The following GRID2 variants were observed in gnomAD, a reference collection of about 807,000 sequenced individuals.
GRID2 encodes glutamate ionotropic receptor delta type subunit 2, also known as glutamate receptor ionotropic, delta-2.
GRID2 carries 33 observed loss-of-function variants against 114.8 expected under a neutral mutation model. That is an observed-to-expected ratio of 0.29 (90% CI 0.22 to 0.38). The LOEUF (loss-of-function observed/expected upper bound fraction) is 0.38, where lower values mean the gene tolerates loss of function less well. Ranked by LOEUF, GRID2 falls within the 10% of genes least tolerant of loss-of-function variation. The pLI, the probability that GRID2 is intolerant of heterozygous loss-of-function variation, is 1.00. For missense variants in GRID2, 1,184 were observed against 1,257.7 expected, an observed-to-expected ratio of 0.94 and a Z score of 0.89; for synonymous variants, 505 against 449.9, an observed-to-expected ratio of 1.12 and a Z score of -1.55.
At chr4:92,723,134 A>C (rs1735893233) in intron 2 of GRID2, among the ~76,000 whole-genome samples, 1 of 152,126 alleles carries the variant, frequency 6.6e-6, no homozygotes, top group South Asian at 2.1e-4. Context: ...TCATTTATTA[A>C]AACATGAAAC....
intron 8 of GRID2, among the ~76,000 whole-genome samples, chr4:93,392,590 A>C (rs1463832487): frequency 6.6e-6 from 1 of 152,120 alleles, no homozygotes; most frequent in Non-Finnish European, 1.5e-5. Flanking sequence ...AAAGAATGTT[A>C]AAATGAGAAA....
chr4:92,351,096 T>G (rs1333115971), intron 1 of GRID2, among the ~76,000 whole-genome samples: 1 of 151,914 alleles, frequency 6.6e-6, no homozygotes, highest in Non-Finnish European at 1.5e-5. Context: ...TTTGGGTTGT[T>G]TCCACTTTTT....
intron 1 of GRID2, among the ~76,000 whole-genome samples, chr4:92,471,207 T>C (rs1400009308): frequency 1.3e-5 from 2 of 152,080 alleles, no homozygotes; most frequent in Admixed American, 6.5e-5. Flanking sequence ...TCTGAGGTAT[T>C]GGTATAAGGT....
intron 2 of GRID2, among the ~76,000 whole-genome samples, chr4:92,978,379 G>T (rs1368207449): frequency 4.6e-5 from 7 of 152,102 alleles, no homozygotes; most frequent in African/African-American, 1.4e-4. Flanking sequence ...TCTATAAGAG[G>T]AAGTTCATTA....
intron 4 of GRID2, among the ~76,000 whole-genome samples, chr4:93,119,921 G>T (rs1733624549): frequency 6.6e-6 from 1 of 152,058 alleles, no homozygotes; most frequent in African/African-American, 2.4e-5. Context: ...TGTAAATTTG[G>T]TCAAGTTCCT....
intron 12 of GRID2, among the ~76,000 whole-genome samples, chr4:93,499,895 G>A (rs1201611229): frequency 1.3e-5 from 2 of 151,838 alleles, no homozygotes; most frequent in Non-Finnish European, 2.9e-5. Context: ...CTGAAGCTAG[G>A]GTAGTAAACC....
At chr4:93,295,896 T>G (rs2149158036) in intron 8 of GRID2, among the ~76,000 whole-genome samples, 1 of 152,352 alleles carries the variant, frequency 6.6e-6, no homozygotes, top group East Asian at 1.9e-4. Flanking sequence ...TCAGATAGCA[T>G]AGCCTTGAGT....
At chr4:92,961,848 T>C (rs1462410285) in intron 2 of GRID2, among the ~76,000 whole-genome samples, 4 of 151,912 alleles carry the variant, frequency 2.6e-5, no homozygotes, top group Non-Finnish European at 5.9e-5. Context: ...TATTCTGTGT[T>C]GTTGATGGTT....
chr4:93,346,009 G>GT (rs1760197386), intron 8 of GRID2, among the ~76,000 whole-genome samples: 2 of 151,984 alleles, frequency 1.3e-5, no homozygotes, highest in Non-Finnish European at 2.9e-5. Flanking sequence ...CTATATGTAT[G>GT]TTTTTATGCC....
intron 4 of GRID2, among the ~76,000 whole-genome samples, chr4:93,151,632 A>T (rs1736748803): frequency 6.6e-6 from 1 of 152,166 alleles, no homozygotes; most frequent in African/African-American, 2.4e-5. Flanking sequence ...AATAATAGTG[A>T]TATAAACATT....
rs79871314 is a variant in GRID2, at chr4:92,525,541, G to C, written c.89-64590G>C. Among the ~76,000 whole-genome samples the C allele has an allele frequency of 4.0e-3, 615 of 152,146 alleles. 8 individuals are homozygous for C. The highest frequency in any genetic ancestry group is 0.014 in the African/African-American group (586 of 41,538). On this transcript the variant is annotated intron_variant, in intron 1 of 15. Transcript: ENST00000282020. ...CACAGTGGAGGTACAGATGGCATGAGAAAAAAGAAGCAGAGATTTATACTT... is the reference window on the plus strand; with the variant it reads ...CACAGTGGAGGTACAGATGGCATGACAAAAAAGAAGCAGAGATTTATACTT...
At chr4:93,168,165 G>A (rs1738438278) in intron 4 of GRID2, among the ~76,000 whole-genome samples, 1 of 151,724 alleles carries the variant, frequency 6.6e-6, no homozygotes. Context: ...TCGCAGCACT[G>A]CACTCCAGCC....
At chr4:92,920,418 A>G (rs558098872) in intron 2 of GRID2, among the ~76,000 whole-genome samples, 5 of 152,262 alleles carry the variant, frequency 3.3e-5, no homozygotes, top group Admixed American at 3.3e-4. Flanking sequence ...TTTGCTCATT[A>G]GTTGATGCAG....
intron 13 of GRID2, among the ~76,000 whole-genome samples, chr4:93,530,449 C>T (rs1480315782): frequency 3.9e-5 from 6 of 152,104 alleles, no homozygotes; most frequent in Admixed American, 1.3e-4. Flanking sequence ...CTGGCTTTGT[C>T]TTATACTCTG....
chr4:92,495,208 T>C (rs1028765438), intron 1 of GRID2, among the ~76,000 whole-genome samples: 2 of 151,990 alleles, frequency 1.3e-5, no homozygotes, highest in Non-Finnish European at 2.9e-5. Context: ...TAAAATTATC[T>C]GGAATACATT....
intron 4 of GRID2, among the ~76,000 whole-genome samples, chr4:93,156,302 T>C (rs1435181542): frequency 1.3e-5 from 2 of 151,780 alleles, no homozygotes; most frequent in Admixed American, 6.6e-5. Context: ...ATATGGACTT[T>C]GTGTTGGAAA....
At chr4:93,064,777 T>C (rs1728129650) in intron 2 of GRID2, among the ~76,000 whole-genome samples, 1 of 151,926 alleles carries the variant, frequency 6.6e-6, no homozygotes, top group Admixed American at 6.6e-5. Flanking sequence ...ATAGTTGGTG[T>C]CAGTCTTCTA....
intron 1 of GRID2, among the ~76,000 whole-genome samples, chr4:92,418,541 T>C (rs745410921): frequency 2.0e-5 from 3 of 151,956 alleles, no homozygotes; most frequent in Non-Finnish European, 4.4e-5. Flanking sequence ...GACAAGATAA[T>C]GGTGGCATGG....
intron 3 of GRID2, among the ~76,000 whole-genome samples, chr4:93,100,635 TG>T (rs951069526): frequency 2.0e-5 from 3 of 152,050 alleles, no homozygotes; most frequent in Admixed American, 6.6e-5. Flanking sequence ...TTTTAATGCT[TG>T]GCATTCTGCC....
Sources: gnomAD v4.1 joint callset for allele counts (sites outside exome capture counted in the v4.1 genomes callset) on GRCh38, gnomAD v4.1.1 for gene constraint, MANE v1.5 for transcripts, NCBI Gene and HGNC (gene_info 2026-07-23, HGNC 2026-07-21) for gene names.